Variants in UNC45B observed in about 807,000 individuals in gnomAD.
UNC45B encodes the protein unc-45 myosin chaperone B, also known as protein unc-45 homolog B.
In UNC45B, 78 loss-of-function variants were observed where a neutral mutation model predicts 98.7. The ratio of observed to expected loss-of-function variants is 0.79; its 90% confidence interval spans 0.66 to 0.95. The LOEUF (loss-of-function observed/expected upper bound fraction) is 0.95, where lower values mean the gene tolerates loss of function less well. Ranked by LOEUF, UNC45B falls within the 40% of genes least tolerant of loss-of-function variation. The pLI is 0.00. For synonymous variants in UNC45B, 462 were observed against 480.4 expected, an observed-to-expected ratio of 0.96 and a Z score of 0.50; for missense variants, 1,225 against 1,184.9, an observed-to-expected ratio of 1.03 and a Z score of -0.50.
intron 3 of UNC45B, 41 bp downstream of exon 3, chr17:35,149,050 C>T (rs377002261): frequency 1.8e-4 from 291 of 1,612,278 alleles, no homozygotes; most frequent in Non-Finnish European, 2.3e-4. Flanking sequence ...GTCACATTCT[C>T]CTCTGCATGG....
intron 7 of UNC45B, among the ~76,000 whole-genome samples, chr17:35,157,305 T>C (rs779414452): frequency 1.1e-4 from 17 of 152,170 alleles, no homozygotes; most frequent in Non-Finnish European, 2.5e-4. Flanking sequence ...GGTGGCACGA[T>C]CTCAGCTCAT....
At position 35,168,133 on chromosome 17, in the gene UNC45B, C is replaced by A; in HGVS notation, c.1224C>A (p.Gly408=). Reference sequence around the variant, plus strand: ...AGACAGTGTCAGGGATCCTGCAGGGCCCCTTTGACCTGGGCAACCAGCTGC... The same window carrying A: ...AGACAGTGTCAGGGATCCTGCAGGGACCCTTTGACCTGGGCAACCAGCTGC... ...AIQTVSGILQ[G]PFDLGNQLLG... is the part of the protein sequence containing the mutation. The change falls in exon 10 of 20, where the codon GGC becomes GGA. Residue 408 remains glycine, a synonymous_variant. Transcript: ENST00000394570. 1 of 1,595,148 alleles carries A rather than the reference C, an allele frequency of 6.3e-7. No homozygotes were observed. The highest frequency in any genetic ancestry group is 8.5e-7 in the Non-Finnish European group (1 of 1,170,096).
At chr17:35,152,567 T>C (rs999948015) in intron 4 of UNC45B, among the ~76,000 whole-genome samples, 1 of 152,246 alleles carries the variant, frequency 6.6e-6, no homozygotes, top group African/African-American at 2.4e-5. Context: ...CCTATTTAAA[T>C]GTCTAATAGC....
chr17:35,180,759 G>A, intron 18 of UNC45B, 83 bp downstream of exon 18: 1 of 1,034,230 alleles, frequency 9.7e-7, no homozygotes, highest in South Asian at 1.4e-5. Flanking sequence ...GGTGAGATCG[G>A]GAGCTCTTAT....
chr17:35,174,296 A>G lies in UNC45B; in HGVS notation c.1885A>G (p.Ile629Val), dbSNP rs146062459. 1.2e-5 allele frequency: 20 copies of G among 1,614,086 alleles called. No homozygotes were observed. In the African/African-American group the frequency reaches 2.4e-4, roughly 19 times the overall value. Residue 629 changes from isoleucine (I) to valine (V), a missense_variant, in exon 14 of 20, where the codon ATC becomes GTC. Ile to Val is a conservative substitution (Grantham distance 29). Transcript: ENST00000394570. ...GAAGCGGCTTCTGAAGGCGGGTGTC[A>G]TCTCTGCCCTGGCTTGCATGGTGAA... ...RVKRLLKAGV[I>V]SALACMVKAD...
At chr17:35,164,273 C>A in intron 9 of UNC45B, 107 bp downstream of exon 9, 1 of 1,343,096 alleles carries the variant, frequency 7.4e-7, no homozygotes, top group Non-Finnish European at 1.0e-6. Flanking sequence ...GTTTTATTAT[C>A]TCACACCAGA....
chr17:35,172,282 C>T (rs914384199), intron 13 of UNC45B, among the ~76,000 whole-genome samples: 2 of 152,106 alleles, frequency 1.3e-5, no homozygotes, highest in African/African-American at 4.8e-5. Context: ...CAGAGTCTTG[C>T]TCTGTCACCC....
intron 7 of UNC45B, among the ~76,000 whole-genome samples, chr17:35,158,909 C>A (rs7225958): frequency 0.3 from 45,067 of 152,072 alleles, 6,994 homozygotes; most frequent in Middle Eastern, 0.38. Flanking sequence ...CTTTTAAGAT[C>A]TACCAGTGGG....
intron 17 of UNC45B, among the ~76,000 whole-genome samples, chr17:35,179,023 G>T (rs917644294): frequency 6.6e-6 from 1 of 152,188 alleles, no homozygotes; most frequent in Non-Finnish European, 1.5e-5. Flanking sequence ...GCTTAGGGTT[G>T]TCTTGGCTAT....
intron 4 of UNC45B, 65 bp downstream of exon 4, chr17:35,150,288 G>T: frequency 6.6e-7 from 1 of 1,524,586 alleles, no homozygotes. Flanking sequence ...TAGTAGGAAT[G>T]GGTTAGGGAG....
rs1380713243 is a variant in UNC45B at position 35,159,490 on chromosome 17, C to G, written c.924C>G (p.Pro308=). Residue 308 remains proline (P), a synonymous_variant, in exon 8 of 20, where the codon CCC becomes CCG. Coordinates refer to ENST00000394570, the MANE Select transcript of UNC45B (RefSeq NM_001267052.2). ...TGAACCTGCTCAATAAGAATGTTCC[C>G]AGGAAGGACCTTGCCATTCATGACA... ...QALNLLNKNV[P]RKDLAIHDNS... 1.9e-6 allele frequency: 3 copies of G among 1,613,986 alleles called. No homozygotes were observed. Among genetic ancestry groups the G allele is most frequent in the Non-Finnish European group, 2.5e-6 (3 of 1,180,014 alleles).
chr17:35,149,990 G>A, intron 3 of UNC45B, 58 bp from the exon 4 acceptor site: 11 of 1,498,406 alleles, frequency 7.3e-6, no homozygotes, highest in Non-Finnish European at 9.8e-6. Context: ...GGGGCAGTGG[G>A]GCTGGTGGTC....
chr17:35,188,467 CTT>C lies in UNC45B; in HGVS notation c.*1926_*1927del, dbSNP rs5820105. 0.54 allele frequency: 69,452 copies of C among 129,610 alleles called. 18,413 individuals are homozygous for C. Among genetic ancestry groups the C allele is most frequent in the East Asian group, 0.73 (3,184 of 4,348 alleles). The allele number at this position is 129,610 out of a possible 1,614,324, so 8.0% of individuals were successfully genotyped here. A position where few individuals can be genotyped will look rare whatever the true frequency, so the allele number is the denominator to read the frequency against. On this transcript the variant is annotated 3_prime_UTR_variant, in exon 20 of 20. Coordinates refer to ENST00000394570, the MANE Select transcript of UNC45B (RefSeq NM_001267052.2). ...GTTCATCTTGTTTGGATTGGAGAGA[CTT>C]TTTTTTTTTTTTTTTTTGAGACAGG...
intron 9 of UNC45B, among the ~76,000 whole-genome samples, chr17:35,166,086 TAAAAAA>T (rs55844448): frequency 1.2e-4 from 7 of 58,112 alleles, no homozygotes; most frequent in East Asian, 5.5e-4. Context: ...CCCTCATCTC[TAAAAAA>T]AAAAAAAAAA....
At chr17:35,166,443 T>G (rs2092141942) in intron 9 of UNC45B, among the ~76,000 whole-genome samples, 4 of 152,054 alleles carry the variant, frequency 2.6e-5, no homozygotes, top group African/African-American at 9.7e-5. Context: ...CCTCATGAGG[T>G]CCCCAACTGA....
chr17:35,187,504 G>C lies in UNC45B; in HGVS notation c.*945G>C, dbSNP rs1366662544. 2 of 152,298 alleles carry C rather than the reference G, an allele frequency of 1.3e-5. No individual in the cohort carries two copies. The highest frequency in any genetic ancestry group is 3.4e-3 in the Middle Eastern group (1 of 294). 9.4% of individuals were successfully genotyped at this position (152,298 alleles called of 1,614,324 possible). A position where few individuals can be genotyped will look rare whatever the true frequency, so the allele number is the denominator to read the frequency against. ...TCTCAATAACCCGGCAAAGTTCCCA[G>C]GGATGACTCTGATATGTCTATGTCT... On this transcript the variant is annotated 3_prime_UTR_variant, in exon 20 of 20. Transcript: ENST00000394570.
rs141531662 is a variant in UNC45B at position 35,171,248 on chromosome 17, G to T, written c.1690-74G>T. On this transcript the variant is annotated intron_variant, in intron 12 of 19. Coordinates refer to ENST00000394570, the MANE Select transcript of UNC45B (RefSeq NM_001267052.2). ...ACACCAACCTGCCGGCCACGTGAGG[G>T]AGCATCCTGGAAGCAGAGGTTTGTC... 8 of 1,571,578 alleles carry T rather than the reference G, an allele frequency of 5.1e-6. No homozygotes were observed. The African/African-American group carries it at 1.1e-4, about 21-fold the overall frequency.
At chr17:35,154,509 G>T in intron 5 of UNC45B, 65 bp from the exon 6 acceptor site, 2 of 1,493,992 alleles carry the variant, frequency 1.3e-6, no homozygotes, top group East Asian at 2.4e-5. Flanking sequence ...CTTGTACTTG[G>T]CCCATGGTCC....
intron 6 of UNC45B, 121 bp downstream of exon 6, chr17:35,154,862 TC>T: frequency 8.9e-7 from 1 of 1,123,868 alleles, no homozygotes. Flanking sequence ...CAAAGGGTGC[TC>T]CAGTCTCTTT....
Sources: allele counts gnomAD v4.1 joint callset (sites outside exome capture counted in the v4.1 genomes callset), GRCh38; gene constraint gnomAD v4.1.1; transcripts MANE v1.5; gene names NCBI Gene and HGNC (gene_info 2026-07-23, HGNC 2026-07-21).